Variants in PLEKHM3 observed in about 807,000 individuals in gnomAD.
The protein encoded by PLEKHM3 is pleckstrin homology domain containing M3.
PLEKHM3 carries 45 observed loss-of-function variants against 81.8 expected under a neutral mutation model. The ratio of observed to expected loss-of-function variants is 0.55; its 90% CI spans 0.43 to 0.71. PLEKHM3 has a LOEUF of 0.71. Ranked by LOEUF, PLEKHM3 falls within the 30% of genes least tolerant of loss-of-function variation. PLEKHM3 has a pLI of 0.00. For missense variants in PLEKHM3, 788 were observed against 924.3 expected (o/e 0.85, Z 1.91); for synonymous variants, 352 against 356.4 (o/e 0.99, Z 0.14).
At chr2:207,888,207 G>A (rs148823356) in intron 6 of PLEKHM3, among the ~76,000 whole-genome samples, 1 of 152,098 alleles carries the variant, frequency 6.6e-6, no homozygotes, top group Non-Finnish European at 1.5e-5. Flanking sequence ...TTCATTGCTA[G>A]GCTGCTTCTC....
At chr2:207,923,566 C>A (rs1689258522) in intron 5 of PLEKHM3, among the ~76,000 whole-genome samples, 3 of 152,066 alleles carry the variant, frequency 2.0e-5, no homozygotes. Flanking sequence ...GAGATGGCAC[C>A]ATTGCACTCC....
chr2:207,901,219 C>A, intron 6 of PLEKHM3: 4 of 702,422 alleles, frequency 5.7e-6, no homozygotes, highest in Non-Finnish European at 1.0e-5. Flanking sequence ...GTCCTTAGTG[C>A]CGCACATTTG....
At chr2:207,941,836 T>C (rs1266608973) in intron 4 of PLEKHM3, among the ~76,000 whole-genome samples, 3 of 152,160 alleles carry the variant, frequency 2.0e-5, no homozygotes, top group Non-Finnish European at 4.4e-5. Flanking sequence ...AATAAACACA[T>C]ACAAATAGCC....
intron 2 of PLEKHM3, among the ~76,000 whole-genome samples, chr2:207,987,499 T>G (rs2106060229): frequency 6.6e-6 from 1 of 152,240 alleles, no homozygotes; most frequent in East Asian, 1.9e-4. Context: ...ATTGACTTCC[T>G]GGAACTCTGC....
At chr2:207,964,413 G>A (rs919867642) in intron 3 of PLEKHM3, among the ~76,000 whole-genome samples, 1 of 152,122 alleles carries the variant, frequency 6.6e-6, no homozygotes, top group African/African-American at 2.4e-5. Context: ...GAGATCCTGG[G>A]GTAGACACAC....
chr2:207,880,647 C>A (rs183491153), intron 6 of PLEKHM3, among the ~76,000 whole-genome samples: 57 of 147,162 alleles, frequency 3.9e-4, no homozygotes, highest in Middle Eastern at 3.6e-3. Flanking sequence ...CCTGTAGTCC[C>A]AGCTACTTGG....
intron 2 of PLEKHM3, among the ~76,000 whole-genome samples, chr2:207,988,985 T>C (rs1017119482): frequency 8.5e-5 from 13 of 152,194 alleles, no homozygotes; most frequent in African/African-American, 3.1e-4. Flanking sequence ...ACCTCAAAAG[T>C]GCTGTCCTCA....
intron 3 of PLEKHM3, among the ~76,000 whole-genome samples, chr2:207,968,392 G>A (rs1013435091): frequency 6.6e-6 from 1 of 152,084 alleles, no homozygotes; most frequent in Non-Finnish European, 1.5e-5. Context: ...GGTTGGGGGT[G>A]GGGGGCCACT....
At chr2:207,922,540 C>T (rs550900397) in intron 5 of PLEKHM3, among the ~76,000 whole-genome samples, 4 of 152,002 alleles carry the variant, frequency 2.6e-5, no homozygotes, top group African/African-American at 7.2e-5. Flanking sequence ...TGGCCAGGCG[C>T]GGTGGCTCAC....
chr2:208,001,753 GA>G lies in PLEKHM3; in HGVS notation c.-115del. 1 of 1,489,588 alleles carries G rather than the reference GA, an allele frequency of 6.7e-7. No homozygotes were observed. The highest frequency in any genetic ancestry group is 8.9e-7 in the Non-Finnish European group (1 of 1,123,268). The allele number at this position is 1,489,588 out of a possible 1,614,324, so 92.3% of individuals were successfully genotyped here. ...AATAGAGCTATGGAAACAACTGGAA[GA>G]AACCTTCATTGGGCTCCCTGGAGCA... On this transcript the variant is annotated 5_prime_UTR_variant, in exon 2 of 8. The change abolishes the stop of an existing upstream ORF in the 5' untranslated region. Coordinates refer to ENST00000427836, the MANE Select transcript of PLEKHM3 (RefSeq NM_001080475.3).
At chr2:207,966,281 C>T (rs1254645369) in intron 3 of PLEKHM3, among the ~76,000 whole-genome samples, 1 of 152,168 alleles carries the variant, frequency 6.6e-6, no homozygotes, top group Non-Finnish European at 1.5e-5. Context: ...AATGACTTGT[C>T]TTAAGGTCAA....
At chr2:207,924,792 G>A (rs1455793670) in intron 5 of PLEKHM3, among the ~76,000 whole-genome samples, 1 of 152,188 alleles carries the variant, frequency 6.6e-6, no homozygotes, top group East Asian at 1.9e-4. Context: ...ATTGGCTCCT[G>A]TGAAGGCTGG....
intron 6 of PLEKHM3, among the ~76,000 whole-genome samples, chr2:207,878,988 T>G (rs911672791): frequency 2.0e-5 from 3 of 152,210 alleles, no homozygotes; most frequent in Non-Finnish European, 2.9e-5. Context: ...TTATCTACCA[T>G]GTACTCATAT....
At chr2:208,019,205 C>T (rs1693037903) in intron 1 of PLEKHM3, among the ~76,000 whole-genome samples, 1 of 152,082 alleles carries the variant, frequency 6.6e-6, no homozygotes. Context: ...ATGCAGTAGG[C>T]TGAGGTAGGA....
rs539809809 is a variant in PLEKHM3, at chr2:207,981,989, C to T, written c.611-4403G>A. Among the ~76,000 whole-genome samples the T allele has an allele frequency of 2.6e-3, 397 of 152,268 alleles. 1 individual carries two copies. Among genetic ancestry groups the T allele is most frequent in the Non-Finnish European group, 4.7e-3 (319 of 68,024 alleles). On this transcript the variant is annotated intron_variant, in intron 2 of 7. Transcript: ENST00000427836. The stretch of plus-strand genomic sequence containing the variant: ...CCTGGATTTTCTTCTACCTCTGCCA[C>T]GCCTGAGATAGGAAGACCAGCCCCT...
At chr2:207,944,392 A>G (rs1353195853) in intron 4 of PLEKHM3, among the ~76,000 whole-genome samples, 1 of 152,226 alleles carries the variant, frequency 6.6e-6, no homozygotes, top group Admixed American at 6.5e-5. Context: ...CGAGAGGAGA[A>G]GACCATGAAT....
chr2:207,966,384 G>A (rs932362811), intron 3 of PLEKHM3, among the ~76,000 whole-genome samples: 1 of 152,044 alleles, frequency 6.6e-6, no homozygotes, highest in Non-Finnish European at 1.5e-5. Flanking sequence ...GCATATTTTT[G>A]TTACCTTGGC....
At chr2:207,849,886 C>T (rs1396835230) in intron 7 of PLEKHM3, among the ~76,000 whole-genome samples, 4 of 152,180 alleles carry the variant, frequency 2.6e-5, no homozygotes, top group Non-Finnish European at 1.5e-5. Flanking sequence ...TAGTCCATTT[C>T]GTGTTGGTAA....
In PLEKHM3 at chr2:207,976,560, T is replaced by C. The variant is rs2106029927; in HGVS notation, c.1546+91A>G. 1 of 1,251,284 alleles carries C rather than the reference T, an allele frequency of 8.0e-7. No individual in the cohort carries two copies. Among genetic ancestry groups the C allele is most frequent in the Non-Finnish European group, 1.1e-6 (1 of 906,892 alleles). The allele number at this position is 1,251,284 out of a possible 1,614,324, so 77.5% of individuals were successfully genotyped here. A position where few individuals can be genotyped will look rare whatever the true frequency, so the allele number is the denominator to read the frequency against. On this transcript the variant is annotated intron_variant, in intron 3 of 7. Transcript: ENST00000427836. The surrounding 1 kb of genome is among the most constrained non-coding windows in gnomAD (Gnocchi z 4.1). ...TTTATAAACAGGAGATAGCTGTGAC[T>C]AGCCTATTAAGGGGATTTTTAAAGT...
Sources: gnomAD v4.1 joint callset for allele counts (sites outside exome capture counted in the v4.1 genomes callset) on GRCh38, gnomAD v4.1.1 for gene constraint, Gnocchi (gnomAD v3.1) non-coding constraint, MANE v1.5 for transcripts, NCBI Gene and HGNC (gene_info 2026-07-23, HGNC 2026-07-21) for gene names.